GRB10: variants seen among roughly 807,000 people sequenced by gnomAD.
GRB10 encodes growth factor receptor bound protein 10, also known as growth factor receptor-bound protein 10.
GRB10 carries 20 observed loss-of-function variants against 80.9 expected under a neutral mutation model. The ratio of observed to expected loss-of-function variants is 0.25; its 90% CI spans 0.17 to 0.36. The LOEUF is 0.36. GRB10 is among the 10% of genes least tolerant of loss of function. The pLI is 1.00. For missense variants in GRB10, 548 were observed against 747.7 expected (o/e 0.73, Z 3.12); for synonymous variants, 291 against 291.5 (o/e 1.00, Z 0.02).
chr7:50,616,421 G>A, intron 10 of GRB10, 74 bp from the exon 11 acceptor site: 1 of 1,387,578 alleles, frequency 7.2e-7, no homozygotes, highest in Non-Finnish European at 1.0e-6. Flanking sequence ...TATCAGCATA[G>A]CTGACATTTT....
chr7:50,599,159 C>T (rs752851020), intron 17 of GRB10, among the ~76,000 whole-genome samples: 8 of 152,090 alleles, frequency 5.3e-5, no homozygotes, highest in East Asian at 1.9e-4. Flanking sequence ...TGCGCGCACA[C>T]GCTCAGCTGC....
intron 7 of GRB10, among the ~76,000 whole-genome samples, chr7:50,660,182 G>C (rs1308843762): frequency 6.6e-6 from 1 of 152,200 alleles, no homozygotes; most frequent in African/African-American, 2.4e-5. Flanking sequence ...GTTCACGTGG[G>C]AAGTAGGGGG....
Position 50,731,975 on chromosome 7 carries a change from C to T in GRB10, c.51+297G>A, listed in dbSNP as rs749784316. On this transcript the variant is annotated intron_variant, in intron 4 of 18. Transcript: ENST00000401949. The stretch of plus-strand genomic sequence containing the variant: ...CAGTGAGTGCTTGCTTCATTCCAAA[C>T]ACGGAAGCCCGGCTCTCAGGGGGCA... 7.3e-4 allele frequency among the ~76,000 whole-genome samples: 111 copies of T among 152,390 alleles called. 1 individual carries two copies. The highest frequency in any genetic ancestry group is 6.2e-4 in the South Asian group (3 of 4,832).
chr7:50,676,676 C>A (rs146306313), intron 5 of GRB10, among the ~76,000 whole-genome samples: 15 of 152,236 alleles, frequency 9.9e-5, no homozygotes, highest in East Asian at 9.7e-4. Flanking sequence ...TCTCTCAAGG[C>A]TAAAGGGCAT....
chr7:50,690,682 A>C (rs1348836623), intron 5 of GRB10, among the ~76,000 whole-genome samples: 1 of 90,350 alleles, frequency 1.1e-5, no homozygotes, highest in Non-Finnish European at 3.3e-5. Flanking sequence ...GAACGAATGA[A>C]CGAATGAATG....
chr7:50,657,858 AC>A (rs2058803568), intron 7 of GRB10, among the ~76,000 whole-genome samples: 1 of 152,006 alleles, frequency 6.6e-6, no homozygotes, highest in African/African-American at 2.4e-5. Flanking sequence ...GATTTTCAAA[AC>A]ACTTTCACTT....
chr7:50,706,639 T>C (rs1392242749), intron 4 of GRB10, among the ~76,000 whole-genome samples: 3 of 152,258 alleles, frequency 2.0e-5, no homozygotes, highest in African/African-American at 7.2e-5. Flanking sequence ...AGGTCTATAA[T>C]GCTGAGGTTG....
chr7:50,739,403 C>T (rs1038716842), intron 3 of GRB10, among the ~76,000 whole-genome samples: 11 of 152,120 alleles, frequency 7.2e-5, no homozygotes, highest in African/African-American at 2.2e-4. Context: ...AACTGTAGAG[C>T]GTTTACCCTC....
intron 7 of GRB10, among the ~76,000 whole-genome samples, chr7:50,637,855 T>C (rs2055368124): frequency 6.7e-6 from 1 of 149,132 alleles, no homozygotes; most frequent in African/African-American, 2.4e-5. Flanking sequence ...AAAACAGACA[T>C]ACAAATCAAT....
intron 17 of GRB10, among the ~76,000 whole-genome samples, chr7:50,597,068 G>A (rs1488727269): frequency 6.6e-6 from 1 of 152,212 alleles, no homozygotes; most frequent in Non-Finnish European, 1.5e-5. Flanking sequence ...AAGATGGAAA[G>A]CAGTTAAATA....
At chr7:50,681,749 T>G (rs1296367877) in intron 5 of GRB10, among the ~76,000 whole-genome samples, 1 of 152,226 alleles carries the variant, frequency 6.6e-6, no homozygotes, top group Non-Finnish European at 1.5e-5. Flanking sequence ...TTTGACATGC[T>G]TTCTTCAAGT....
chr7:50,648,663 C>G (rs2057588309), intron 7 of GRB10, among the ~76,000 whole-genome samples: 1 of 152,186 alleles, frequency 6.6e-6, no homozygotes, highest in South Asian at 2.1e-4. Context: ...ATCCCTCCTA[C>G]AGCTACTCCC....
intron 5 of GRB10, among the ~76,000 whole-genome samples, chr7:50,697,830 A>G (rs978674530): frequency 1.3e-5 from 2 of 152,086 alleles, no homozygotes; most frequent in African/African-American, 4.8e-5. Context: ...CCCCCACCCC[A>G]CCCCAGGGAG....
intron 4 of GRB10, among the ~76,000 whole-genome samples, chr7:50,706,357 C>T (rs947091883): frequency 6.6e-6 from 1 of 152,212 alleles, no homozygotes; most frequent in African/African-American, 2.4e-5. Context: ...ATCAAATAAA[C>T]ACCTTCGAGC....
intron 7 of GRB10, among the ~76,000 whole-genome samples, chr7:50,658,277 G>T (rs1331101566): frequency 6.6e-6 from 1 of 152,212 alleles, no homozygotes; most frequent in East Asian, 1.9e-4. Context: ...CAAACCAGCA[G>T]GCTGTTTGCT....
At chr7:50,639,043 CACATAA>C (rs1156591287) in intron 7 of GRB10, among the ~76,000 whole-genome samples, 5 of 152,108 alleles carry the variant, frequency 3.3e-5, no homozygotes, top group African/African-American at 4.8e-5. Context: ...ACAATGCATA[CACATAA>C]ACATAAAGAT....
intron 4 of GRB10, chr7:50,710,954 T>C: frequency 6.5e-7 from 1 of 1,549,900 alleles, no homozygotes; most frequent in Non-Finnish European, 8.9e-7. Flanking sequence ...CACGTGGCTG[T>C]GTCCTCAGCC....
chr7:50,660,815 G>A (rs1449273908), intron 7 of GRB10, among the ~76,000 whole-genome samples: 1 of 148,546 alleles, frequency 6.7e-6, no homozygotes, highest in Non-Finnish European at 1.5e-5. Flanking sequence ...ACCATCCTGT[G>A]ATGGCGCAGC....
chr7:50,656,229 T>A (rs1234215499), intron 7 of GRB10, among the ~76,000 whole-genome samples: 1 of 152,166 alleles, frequency 6.6e-6, no homozygotes, highest in Non-Finnish European at 1.5e-5. Flanking sequence ...TGTGCACACA[T>A]GTGAGGGGTT....
Sources: allele counts gnomAD v4.1 joint callset (sites outside exome capture counted in the v4.1 genomes callset), GRCh38; gene constraint gnomAD v4.1.1; transcripts MANE v1.5; gene names NCBI Gene and HGNC (gene_info 2026-07-23, HGNC 2026-07-21).